Variants in KCNIP3 observed in about 807,000 individuals in gnomAD.
KCNIP3 encodes the protein potassium voltage-gated channel interacting protein 3.
In KCNIP3, 28 loss-of-function variants were observed where a neutral mutation model predicts 35.0. That is an observed-to-expected ratio of 0.80 (90% CI 0.59 to 1.10). The LOEUF is 1.10. KCNIP3 is among the 50% of genes least tolerant of loss of function. The probability of loss-of-function intolerance (pLI) is 0.00; values close to 1 mark genes in which losing one functional copy is unlikely to be tolerated. For missense variants in KCNIP3, 295 were observed against 338.4 expected, an observed-to-expected ratio of 0.87 and a Z score of 1.01; for synonymous variants, 134 against 133.8, an observed-to-expected ratio of 1.00 and a Z score of -0.01.
At chr2:95,329,295 A>T (rs1306212452) in intron 2 of KCNIP3, among the ~76,000 whole-genome samples, 1 of 152,208 alleles carries the variant, frequency 6.6e-6, no homozygotes, top group Admixed American at 6.5e-5. Context: ...CACTTTCTAG[A>T]GTAAGCTGAT....
chr2:95,324,470 G>A (rs1053624535), intron 2 of KCNIP3, among the ~76,000 whole-genome samples: 9 of 151,454 alleles, frequency 5.9e-5, no homozygotes, highest in African/African-American at 9.7e-5. Context: ...GCGAGATTGC[G>A]CCACTGCACT....
At chr2:95,362,350 C>G (rs368488308) in intron 2 of KCNIP3, among the ~76,000 whole-genome samples, 2 of 152,280 alleles carry the variant, frequency 1.3e-5, no homozygotes, top group Non-Finnish European at 1.5e-5. Flanking sequence ...AGGTGATCCG[C>G]CCACCTCGGC....
rs552135812 is a variant in KCNIP3, at chr2:95,377,035, C to A, written c.447+1827C>A. ...ACACACAGACCTCAACAGAGCCAAG[C>A]GGGCGATGCCATCCCCACACCCCAC... On this transcript the variant is annotated intron_variant, in intron 5 of 8. Transcript: ENST00000295225. The surrounding 1 kb of genome is among the most constrained non-coding windows in gnomAD (Gnocchi z 4.7). Among the ~76,000 whole-genome samples the A allele has an allele frequency of 6.6e-6, 1 of 152,222 alleles. No individual in the cohort carries two copies. The highest frequency in any genetic ancestry group is 2.4e-5 in the African/African-American group (1 of 41,460).
intron 2 of KCNIP3, among the ~76,000 whole-genome samples, chr2:95,361,768 C>T (rs1291122238): frequency 6.6e-6 from 1 of 152,160 alleles, no homozygotes; most frequent in Non-Finnish European, 1.5e-5. Flanking sequence ...TTCCAGAGCA[C>T]CTCCCATGCA....
intron 2 of KCNIP3, among the ~76,000 whole-genome samples, chr2:95,356,904 G>A (rs975756217): frequency 1.8e-4 from 28 of 152,204 alleles, no homozygotes; most frequent in Non-Finnish European, 3.8e-4. Context: ...AGTGGGAAGG[G>A]AAGATGCATG....
Position 95,378,879 on chromosome 2 carries a change from T to TAC in KCNIP3, c.448-2716_448-2715insCA, listed in dbSNP as rs1558779728. 6.9e-6 allele frequency among the ~76,000 whole-genome samples: 1 copy of TAC among 144,774 alleles called. No individual in the cohort carries two copies. The highest frequency in any genetic ancestry group is 1.5e-5 in the Non-Finnish European group (1 of 67,000). 95.0% of individuals were successfully genotyped at this position (144,774 alleles called of 152,430 possible). A position where few individuals can be genotyped will look rare whatever the true frequency, so the allele number is the denominator to read the frequency against. On this transcript the variant is annotated intron_variant, in intron 5 of 8. Transcript: ENST00000295225. The surrounding 1 kb of genome is among the most constrained non-coding windows in gnomAD (Gnocchi z 4.0). ...ATACACATATATACACACACACACA[T>TAC]ATATATACACACACACACATATATA...
chr2:95,301,547 TCA>T (rs1678030856), intron 1 of KCNIP3, among the ~76,000 whole-genome samples: 1 of 152,198 alleles, frequency 6.6e-6, no homozygotes, highest in East Asian at 1.9e-4. Flanking sequence ...AGTATGAATA[TCA>T]CAGAACCCCC....
intron 5 of KCNIP3, among the ~76,000 whole-genome samples, chr2:95,380,060 T>A (rs1680300345): frequency 6.6e-6 from 1 of 152,192 alleles, no homozygotes. Flanking sequence ...TTGGCCCCTC[T>A]GGAGTGCAAC....
intron 1 of KCNIP3, among the ~76,000 whole-genome samples, chr2:95,301,375 C>T (rs1443115849): frequency 6.6e-6 from 1 of 152,244 alleles, no homozygotes; most frequent in Non-Finnish European, 1.5e-5. Context: ...GGGCAGGAGA[C>T]AGGCATGGCC....
chr2:95,346,439 G>A (rs1351086145), intron 2 of KCNIP3, among the ~76,000 whole-genome samples: 1 of 150,860 alleles, frequency 6.6e-6, no homozygotes. Context: ...GGGCTGGCCC[G>A]TGCCGGGCGG....
intron 2 of KCNIP3, among the ~76,000 whole-genome samples, chr2:95,365,466 A>G (rs542172199): frequency 6.6e-6 from 1 of 152,232 alleles, no homozygotes; most frequent in African/African-American, 2.4e-5. Flanking sequence ...TTGGCCCCTT[A>G]TGTCATTTTT....
chr2:95,346,507 C>G (rs1679368952), intron 2 of KCNIP3, among the ~76,000 whole-genome samples: 1 of 149,304 alleles, frequency 6.7e-6, no homozygotes, highest in African/African-American at 2.4e-5. Context: ...GCAGGGACGC[C>G]TCCCGGAGTG....
At chr2:95,318,345 GA>G (rs1440439745) in intron 2 of KCNIP3, among the ~76,000 whole-genome samples, 1 of 152,142 alleles carries the variant, frequency 6.6e-6, no homozygotes, top group Admixed American at 6.5e-5. Context: ...TCCCTCACTG[GA>G]AACCCTCTCC....
chr2:95,316,809 A>G (rs930133435), intron 2 of KCNIP3, among the ~76,000 whole-genome samples: 2 of 152,226 alleles, frequency 1.3e-5, no homozygotes, highest in African/African-American at 4.8e-5. Flanking sequence ...AAACTCAGGA[A>G]GAATGAATAC....
intron 2 of KCNIP3, among the ~76,000 whole-genome samples, chr2:95,320,245 A>T (rs1209157628): frequency 6.6e-6 from 1 of 152,038 alleles, no homozygotes; most frequent in Non-Finnish European, 1.5e-5. Flanking sequence ...CCCTCAGTCC[A>T]CTCGGTGTGG....
At chr2:95,357,500 C>T (rs962256375) in intron 2 of KCNIP3, among the ~76,000 whole-genome samples, 8 of 152,216 alleles carry the variant, frequency 5.3e-5, no homozygotes, top group African/African-American at 9.6e-5. Flanking sequence ...AGCTGAGCTC[C>T]GGTCGTCTAG....
rs138183848 is a variant in KCNIP3 at position 95,343,701 on chromosome 2, G to C, written c.182-30595G>C. Among the ~76,000 whole-genome samples, 671 of 152,330 alleles carry C rather than the reference G, an allele frequency of 4.4e-3. 4 individuals carry two copies. Among genetic ancestry groups the C allele is most frequent in the Non-Finnish European group, 6.5e-3 (441 of 68,024 alleles). On this transcript the variant is annotated intron_variant, in intron 2 of 8. Transcript: ENST00000295225. ...ACAAGATGGAAGATGCCGGGGCAGA[G>C]AGCCAAAATGCAGGGAGGAAGAGTG...
chr2:95,335,967 A>G (rs1679050272), intron 2 of KCNIP3, among the ~76,000 whole-genome samples: 1 of 152,072 alleles, frequency 6.6e-6, no homozygotes, highest in Non-Finnish European at 1.5e-5. Context: ...TCTATTTGTC[A>G]CATGCCTTTT....
intron 2 of KCNIP3, among the ~76,000 whole-genome samples, chr2:95,358,276 CA>C (rs1441183093): frequency 6.6e-6 from 1 of 152,172 alleles, no homozygotes; most frequent in Non-Finnish European, 1.5e-5. Flanking sequence ...GCCTCTTGCC[CA>C]GTACCTGGTG....
Sources: allele counts gnomAD v4.1 joint callset (sites outside exome capture counted in the v4.1 genomes callset), GRCh38; gene constraint gnomAD v4.1.1; non-coding constraint Gnocchi (gnomAD v3.1); transcripts MANE v1.5; gene names NCBI Gene and HGNC (gene_info 2026-07-23, HGNC 2026-07-21).